The following PPP4R1 variants were observed in gnomAD, a reference collection of about 807,000 sequenced individuals.
The protein encoded by PPP4R1 is serine/threonine-protein phosphatase 4 regulatory subunit 1.
A neutral mutation model predicts 111.2 loss-of-function variants in PPP4R1; 42 were observed. The observed-to-expected ratio is 0.38, with a 90% confidence interval of 0.29 to 0.49. The LOEUF is 0.49. Ranked by LOEUF, PPP4R1 falls within the 20% of genes least tolerant of loss-of-function variation. The pLI, the probability that PPP4R1 is intolerant of heterozygous loss-of-function variation, is 0.97. For missense variants in PPP4R1, 1,012 were observed against 1,161.6 expected (o/e 0.87, Z 1.87); for synonymous variants, 409 against 405.5 (o/e 1.01, Z -0.10).
At chr18:9,610,899 T>A (rs1247073016) in intron 2 of PPP4R1, among the ~76,000 whole-genome samples, 1 of 133,026 alleles carries the variant, frequency 7.5e-6, no homozygotes, top group Non-Finnish European at 1.7e-5. Context: ...CACACACAAA[T>A]ACCATCCATT....
chr18:9,603,416 T>C (rs62088884), intron 2 of PPP4R1, among the ~76,000 whole-genome samples: 25,022 of 151,958 alleles, frequency 0.16, 2,895 homozygotes, highest in African/African-American at 0.33. Context: ...TTTTTCAATC[T>C]GTAATATATT....
chr18:9,594,105 T>C (rs1176521161), intron 3 of PPP4R1: 2 of 356,044 alleles, frequency 5.6e-6, no homozygotes, highest in African/African-American at 4.1e-5. Context: ...TTTTTAAATA[T>C]CTTTAGTAGA....
chr18:9,597,077 C>A (rs2067301935), intron 2 of PPP4R1, among the ~76,000 whole-genome samples: 2 of 152,060 alleles, frequency 1.3e-5, no homozygotes, highest in Non-Finnish European at 2.9e-5. Flanking sequence ...AGGGTGTACT[C>A]TTCTATAACT....
chr18:9,597,667 T>A (rs1351610133), intron 2 of PPP4R1, among the ~76,000 whole-genome samples: 1 of 152,178 alleles, frequency 6.6e-6, no homozygotes, highest in African/African-American at 2.4e-5. Context: ...TGGTTTTGCC[T>A]AACAAAGCTT....
intron 2 of PPP4R1, among the ~76,000 whole-genome samples, chr18:9,598,562 T>A (rs935976185): frequency 2.7e-5 from 4 of 148,126 alleles, no homozygotes; most frequent in Non-Finnish European, 4.5e-5. Context: ...AAACAAGACA[T>A]CTTTCAAATA....
At position 9,547,557 on chromosome 18, in the gene PPP4R1, C is replaced by A. The variant is rs2066419202; in HGVS notation, c.*232G>T. 3 of 432,828 alleles carry A rather than the reference C, an allele frequency of 6.9e-6. No homozygotes were observed. The highest frequency in any genetic ancestry group is 1.2e-5 in the Non-Finnish European group (3 of 240,460). The allele number at this position is 432,828 out of a possible 1,614,324, so 26.8% of individuals were successfully genotyped here. A position where few individuals can be genotyped will look rare whatever the true frequency, so the allele number is the denominator to read the frequency against. On this transcript the variant is annotated 3_prime_UTR_variant, in exon 20 of 20. Transcript: ENST00000400556. ...TAAGGCTTCGGTGACAATTATAATCCTCTGAGAAATTATTTCCCCTTAAAG... is the reference window on the plus strand; with the variant it reads ...TAAGGCTTCGGTGACAATTATAATCATCTGAGAAATTATTTCCCCTTAAAG...
rs535448708 is a variant in PPP4R1, at chr18:9,568,029, C to T, written c.1573+2128G>A. On this transcript the variant is annotated intron_variant, in intron 11 of 19. Transcript: ENST00000400556. The stretch of plus-strand genomic sequence containing the variant: ...TGCTTACTACAGTATAGTATAAACA[C>T]AACTTTTATAAAATTCTGAGACTGG... 2.6e-5 allele frequency among the ~76,000 whole-genome samples: 4 copies of T among 152,168 alleles called. No individual in the cohort carries two copies. In the East Asian group the frequency reaches 5.8e-4, roughly 22 times the overall value.
chr18:9,597,631 G>A lies in PPP4R1; in HGVS notation c.53-2478C>T, dbSNP rs562551364. Among the ~76,000 whole-genome samples, 8 of 152,246 alleles carry A rather than the reference G, an allele frequency of 5.3e-5. No homozygotes were observed. The East Asian group carries it at 1.2e-3, about 22-fold the overall frequency. ...AATTCTAAAATAAATGAGGCAAAAC[G>A]CCTAAGAAGTGGCAAATAATTCTCC... On this transcript the variant is annotated intron_variant, in intron 2 of 19. Coordinates refer to ENST00000400556, the MANE Select transcript of PPP4R1 (RefSeq NM_001042388.3).
At chr18:9,614,828 C>A (rs1345023120), upstream of PPP4R1, 1 of 149,520 alleles carries the variant, frequency 6.7e-6, no homozygotes, top group Non-Finnish European at 1.5e-5. The surrounding 1 kb of genome is among the most constrained non-coding windows in gnomAD (Gnocchi z 4.1). Context: ...ACGCCGAGCG[C>A]TGCGGACGGG....
Position 9,570,169 on chromosome 18 carries a change from G to C in PPP4R1, c.1561C>G (p.Pro521Ala), listed in dbSNP as rs1186513649. 2 of 1,511,344 alleles carry C rather than the reference G, an allele frequency of 1.3e-6. No homozygotes were observed. Among genetic ancestry groups the C allele is most frequent in the Non-Finnish European group, 1.8e-6 (2 of 1,130,276 alleles). The allele number at this position is 1,511,344 out of a possible 1,614,324, so 93.6% of individuals were successfully genotyped here. Residue 521 changes from proline to alanine, a missense_variant, in exon 11 of 20, where the codon CCA (proline) becomes GCA (alanine). By Grantham distance (27) the Pro-to-Ala change is conservative. Transcript: ENST00000400556. ...IENLEPHIDD[P>A]DVKAQVEVLS... is the part of the protein sequence containing the mutation. ...TTGACTTCCATACCTTTAACATCTG[G>C]ATCATCAATGTGGGGCTCTAGATTT...
rs1310459272 is a variant in PPP4R1 at position 9,593,971 on chromosome 18, A to G, written c.189-97T>C. 20 of 922,682 alleles carry G rather than the reference A, an allele frequency of 2.2e-5. No individual in the cohort carries two copies. The East Asian group carries it at 5.0e-4, about 23-fold the overall frequency. The allele number at this position is 922,682 out of a possible 1,614,324, so 57.2% of individuals were successfully genotyped here. A position where few individuals can be genotyped will look rare whatever the true frequency, so the allele number is the denominator to read the frequency against. On this transcript the variant is annotated intron_variant, in intron 3 of 19. Transcript: ENST00000400556. Reference sequence around the variant, plus strand: ...AGACAGGGCCTCATTCCTGTTGCCCAGGCCGGAGTGTAATGGTGTGATCAC... The same window carrying G: ...AGACAGGGCCTCATTCCTGTTGCCCGGGCCGGAGTGTAATGGTGTGATCAC...
At chr18:9,581,180 A>T (rs2067023247) in intron 9 of PPP4R1, among the ~76,000 whole-genome samples, 1 of 152,198 alleles carries the variant, frequency 6.6e-6, no homozygotes, top group Non-Finnish European at 1.5e-5. Flanking sequence ...AAAAAAAAAA[A>T]AATCCATACA....
intron 3 of PPP4R1, chr18:9,594,691 CA>C: frequency 4.5e-6 from 1 of 220,190 alleles, no homozygotes; most frequent in South Asian, 7.5e-5. Context: ...ACCCGTCATA[CA>C]GCAGGTATAC....
rs2066847313 is a variant in PPP4R1 at position 9,570,645 on chromosome 18, C to A, written c.1085G>T (p.Arg362Met). Residue 362 changes from arginine (R) to methionine (M), a missense_variant, in exon 11 of 20, where the codon AGG (arginine) becomes ATG (methionine). By Grantham distance (91) the Arg-to-Met change is moderately conservative (BLOSUM62 -1). Around this residue, in one of 2 missense-constraint regions of PPP4R1, gnomAD observed 707 missense variants for 742.1 expected, o/e 0.95. Coordinates refer to ENST00000400556, the MANE Select transcript of PPP4R1 (RefSeq NM_001042388.3). ...DQEAPEDVQV[R>M]PEDTPSDLSV... ...GAGATCTGAAGGAGTATCCTCTGGC[C>A]TGACTTGTACATCCTCTGGGGCTTC... 6.2e-7 allele frequency: 1 copy of A among 1,601,066 alleles called. No homozygotes were observed. Among genetic ancestry groups the A allele is most frequent in the Admixed American group, 1.7e-5 (1 of 58,254 alleles).
At position 9,550,070 on chromosome 18, in the gene PPP4R1, G is replaced by A. The variant is rs1430781540; in HGVS notation, c.2529C>T (p.Ala843=). The A allele has an allele frequency of 6.8e-6, 11 of 1,614,060 alleles. No homozygotes were observed. The highest frequency in any genetic ancestry group is 9.3e-6 in the Non-Finnish European group (11 of 1,180,042). Reference sequence around the variant, plus strand: ...CGCTTACCTGGCAGACAAAGACAAAGGCTTGCCGACCAGACCACTTGGGAC... The same window carrying A: ...CGCTTACCTGGCAGACAAAGACAAAAGCTTGCCGACCAGACCACTTGGGAC... ...GRCPKWSGRQ[A]FVFVCQTVIE... is the part of the protein sequence containing the mutation. The change falls in exon 18 of 20, where the codon GCC becomes GCT. Residue 843 remains alanine, a synonymous_variant. Coordinates refer to ENST00000400556, the MANE Select transcript of PPP4R1 (RefSeq NM_001042388.3).
intron 2 of PPP4R1, among the ~76,000 whole-genome samples, chr18:9,606,847 T>A (rs1345857498): frequency 6.6e-6 from 1 of 152,164 alleles, no homozygotes. Flanking sequence ...CTTGTGGATC[T>A]CCCAAATATT....
chr18:9,596,614 C>CTCTTT (rs10678106), intron 2 of PPP4R1, among the ~76,000 whole-genome samples: 81,602 of 151,422 alleles, frequency 0.54, 22,147 homozygotes, highest in Middle Eastern at 0.65. Flanking sequence ...GCTCCTTTAG[C>CTCTTT]TCTTAAGAGA....
At position 9,604,913 on chromosome 18, in the gene PPP4R1, T is replaced by C. The variant is rs1051975419; in HGVS notation, c.52+9313A>G. On this transcript the variant is annotated intron_variant, in intron 2 of 19. Coordinates refer to ENST00000400556, the MANE Select transcript of PPP4R1 (RefSeq NM_001042388.3). Reference sequence around the variant, plus strand: ...TAATTGATAAGTCAAGAGTTTACTATACTTTATCCTTCTCTAAGATATTCA... The same window carrying C: ...TAATTGATAAGTCAAGAGTTTACTACACTTTATCCTTCTCTAAGATATTCA... 3.7e-4 allele frequency among the ~76,000 whole-genome samples: 56 copies of C among 152,332 alleles called. 1 individual carries two copies. Among genetic ancestry groups the C allele is most frequent in the South Asian group, 2.1e-4 (1 of 4,826 alleles).
chr18:9,586,477 A>G (rs2067118375), intron 6 of PPP4R1, among the ~76,000 whole-genome samples: 1 of 152,186 alleles, frequency 6.6e-6, no homozygotes, highest in Non-Finnish European at 1.5e-5. Flanking sequence ...AACTTTGTGA[A>G]CATATTAAAT....
Sources: allele counts gnomAD v4.1 joint callset (sites outside exome capture counted in the v4.1 genomes callset), GRCh38; gene constraint gnomAD v4.1.1; regional missense constraint gnomAD v4.1.1; non-coding constraint Gnocchi (gnomAD v3.1); transcripts MANE v1.5; gene names NCBI Gene and HGNC (gene_info 2026-07-23, HGNC 2026-07-21).